SBF2: variants seen among roughly 807,000 people sequenced by gnomAD.
The protein encoded by SBF2 is myotubularin-related protein 13.
In SBF2, 112 loss-of-function variants were observed where a neutral mutation model predicts 225.2. That is an observed-to-expected ratio of 0.50 (90% CI 0.43 to 0.58). SBF2 has a LOEUF of 0.58. Among genes scored for constraint, SBF2 ranks in the 20% least tolerant of loss-of-function variants. The pLI is 0.00. For missense variants in SBF2, 1,996 were observed against 2,206.2 expected (o/e 0.90, Z 1.91); for synonymous variants, 763 against 773.3 (o/e 0.99, Z 0.22).
chr11:10,222,031 C>A (rs551569563), intron 1 of SBF2, among the ~76,000 whole-genome samples: 12 of 152,242 alleles, frequency 7.9e-5, no homozygotes, highest in African/African-American at 2.9e-4. Flanking sequence ...CTGGCTGACC[C>A]CTGAACCAAA....
At chr11:9,907,909 TCTCA>T (rs1400718081) in intron 16 of SBF2, among the ~76,000 whole-genome samples, 2 of 152,364 alleles carry the variant, frequency 1.3e-5, no homozygotes, top group East Asian at 3.8e-4. Flanking sequence ...AAACTGAGCC[TCTCA>T]GAGGTTAAAT....
At chr11:10,264,038 T>A (rs1244370389) in intron 1 of SBF2, among the ~76,000 whole-genome samples, 3 of 152,196 alleles carry the variant, frequency 2.0e-5, no homozygotes, top group Non-Finnish European at 4.4e-5. Flanking sequence ...CTGCCTTAGG[T>A]AAAGCTTACT....
chr11:10,237,393 G>A (rs1192506951), intron 1 of SBF2, among the ~76,000 whole-genome samples: 1 of 152,036 alleles, frequency 6.6e-6, no homozygotes, highest in Non-Finnish European at 1.5e-5. Context: ...GCCAAATAAG[G>A]GAGTGTTGTT....
At chr11:10,242,963 A>T (rs868826012) in intron 1 of SBF2, among the ~76,000 whole-genome samples, 3 of 152,192 alleles carry the variant, frequency 2.0e-5, no homozygotes, top group Admixed American at 6.5e-5. Flanking sequence ...AAACTTGAAC[A>T]ACACTATAGA....
intron 1 of SBF2, among the ~76,000 whole-genome samples, chr11:10,200,631 A>C (rs559504915): frequency 2.0e-5 from 3 of 152,296 alleles, no homozygotes; most frequent in Admixed American, 2.0e-4. Flanking sequence ...AGCTCAGTAC[A>C]TGCATTTTTT....
At chr11:10,014,782 A>C (rs1477237454) in intron 6 of SBF2, among the ~76,000 whole-genome samples, 2 of 152,176 alleles carry the variant, frequency 1.3e-5, no homozygotes, top group Non-Finnish European at 2.9e-5. Context: ...ACCAGAAGTC[A>C]AAATAATACA....
chr11:10,227,801 C>T (rs1295237685), intron 1 of SBF2, among the ~76,000 whole-genome samples: 2 of 151,882 alleles, frequency 1.3e-5, no homozygotes, highest in Admixed American at 6.6e-5. Context: ...CTTGGCGATG[C>T]AGGCTCTTTT....
intron 2 of SBF2, among the ~76,000 whole-genome samples, chr11:10,044,329 G>A (rs184682967): frequency 1.7e-4 from 25 of 151,378 alleles, no homozygotes; most frequent in African/African-American, 6.0e-4. Flanking sequence ...CGGGAGACCC[G>A]CAAGAGGAGA....
intron 2 of SBF2, among the ~76,000 whole-genome samples, chr11:10,124,870 C>T (rs1024081419): frequency 6.6e-6 from 1 of 151,796 alleles, no homozygotes; most frequent in Non-Finnish European, 1.5e-5. Context: ...TTTGGGAGGC[C>T]GAGGCAGGCG....
intron 6 of SBF2, among the ~76,000 whole-genome samples, chr11:10,010,107 T>C (rs1242321258): frequency 1.3e-5 from 2 of 152,194 alleles, no homozygotes; most frequent in Admixed American, 1.3e-4. Flanking sequence ...GTTTTTTTCT[T>C]GTAAATTTGA....
chr11:10,172,578 C>T (rs1384847945), intron 2 of SBF2, among the ~76,000 whole-genome samples: 1 of 152,112 alleles, frequency 6.6e-6, no homozygotes, highest in Non-Finnish European at 1.5e-5. Flanking sequence ...GTCTCAAACT[C>T]CTGACCTCAG....
chr11:9,881,325 G>A (rs943263996), intron 17 of SBF2, among the ~76,000 whole-genome samples: 1 of 152,072 alleles, frequency 6.6e-6, no homozygotes, highest in Non-Finnish European at 1.5e-5. Context: ...ACTCTGCTGG[G>A]GGCTGGGATG....
rs973830077 is a variant in SBF2, at chr11:9,778,856, T to TAA, written c.*1560_*1561dup. On this transcript the variant is annotated 3_prime_UTR_variant, in exon 40 of 40. Coordinates refer to ENST00000256190, the MANE Select transcript of SBF2 (RefSeq NM_030962.4). ...GGCAATGTAATGCCTTCACGAAAGT[T>TAA]AAAGTAATCCAGTTACAAAAGAAGC... The TAA allele has an allele frequency of 6.6e-6, 1 of 152,654 alleles. No individual in the cohort carries two copies. The highest frequency in any genetic ancestry group is 1.5e-5 in the Non-Finnish European group (1 of 68,048). The allele number at this position is 152,654 out of a possible 1,614,324, so 9.5% of individuals were successfully genotyped here.
At chr11:9,824,332 G>T (rs1434617785) in intron 28 of SBF2, among the ~76,000 whole-genome samples, 1 of 152,138 alleles carries the variant, frequency 6.6e-6, no homozygotes, top group Non-Finnish European at 1.5e-5. Context: ...GCTGAGGTGG[G>T]TGAATCACGA....
rs538253671 is a variant in SBF2 at position 9,781,419 on chromosome 11, C to G, written c.5451+88G>C. On this transcript the variant is annotated intron_variant, in intron 39 of 39. Coordinates refer to ENST00000256190, the MANE Select transcript of SBF2 (RefSeq NM_030962.4). ...GTCTGTCATCCATCTGTAGTCACCA[C>G]CAATTACTCTGAGGGCTCCATCATT... 107 of 1,567,822 alleles carry G rather than the reference C, an allele frequency of 6.8e-5. No homozygotes were observed. In the South Asian group the frequency reaches 1.1e-3, roughly 16 times the overall value.
chr11:9,840,078 C>CA (rs34237369), intron 25 of SBF2, among the ~76,000 whole-genome samples: 41,349 of 151,880 alleles, frequency 0.27, 6,380 homozygotes, highest in Middle Eastern at 0.43. Context: ...ACTAAAAATA[C>CA]AAAAAATTAG....
chr11:9,817,555 G>A (rs1261254139), intron 28 of SBF2, among the ~76,000 whole-genome samples: 2 of 144,558 alleles, frequency 1.4e-5, no homozygotes, highest in Non-Finnish European at 1.5e-5. Context: ...ATGCCAAAAC[G>A]ATGTAATTCT....
At chr11:10,179,434 G>A (rs988693873) in intron 2 of SBF2, among the ~76,000 whole-genome samples, 1 of 151,318 alleles carries the variant, frequency 6.6e-6, no homozygotes, top group Non-Finnish European at 1.5e-5. Flanking sequence ...ACTTATTTTT[G>A]TCACCTAATG....
intron 1 of SBF2, among the ~76,000 whole-genome samples, chr11:10,280,539 A>G (rs1485875696): frequency 2.0e-5 from 3 of 152,234 alleles, no homozygotes; most frequent in Non-Finnish European, 2.9e-5. Flanking sequence ...CTGGGATACA[A>G]AAAATAGTCT....
Sources: gnomAD v4.1 joint callset for allele counts (sites outside exome capture counted in the v4.1 genomes callset) on GRCh38, gnomAD v4.1.1 for gene constraint, MANE v1.5 for transcripts, NCBI Gene and HGNC (gene_info 2026-07-23, HGNC 2026-07-21) for gene names.